KDM4C: variants seen among roughly 807,000 people sequenced by gnomAD.
The protein encoded by KDM4C is lysine demethylase 4C, also known as lysine-specific demethylase 4C.
Under a neutral mutation model 129.3 loss-of-function variants are expected in KDM4C, and 81 were observed. That is an observed-to-expected ratio of 0.63 (90% CI 0.52 to 0.75). The LOEUF (loss-of-function observed/expected upper bound fraction) is 0.75, where lower values mean the gene tolerates loss of function less well. Ranked by LOEUF, KDM4C falls within the 30% of genes least tolerant of loss-of-function variation. The pLI is 0.00. For missense variants in KDM4C, 1,457 were observed against 1,304.0 expected, an observed-to-expected ratio of 1.12 and a Z score of -1.81; for synonymous variants, 573 against 456.1, an observed-to-expected ratio of 1.26 and a Z score of -3.26.
intron 8 of KDM4C, among the ~76,000 whole-genome samples, chr9:6,942,792 A>T (rs193017889): frequency 1.3e-5 from 2 of 152,330 alleles, no homozygotes. Context: ...AGCAAAACTC[A>T]AGGAATATAG....
chr9:6,805,480 T>TTAA, intron 2 of KDM4C, 119 bp from the exon 3 acceptor site: 2 of 600,264 alleles, frequency 3.3e-6, no homozygotes, highest in Non-Finnish European at 5.3e-6. Context: ...TTTTTTTTTT[T>TTAA]ACACATTTGT....
At chr9:6,926,865 C>A (rs566881787) in intron 8 of KDM4C, among the ~76,000 whole-genome samples, 2 of 152,172 alleles carry the variant, frequency 1.3e-5, no homozygotes, top group African/African-American at 4.8e-5. Context: ...GACTGCATTA[C>A]TGTCCTTTAA....
intron 17 of KDM4C, among the ~76,000 whole-genome samples, chr9:7,088,864 A>AG (rs1835458896): frequency 6.6e-5 from 10 of 152,192 alleles, no homozygotes. Context: ...GAAAAAAAAA[A>AG]GCTGTTTCCA....
intron 18 of KDM4C, among the ~76,000 whole-genome samples, chr9:7,123,023 T>C (rs1442764952): frequency 6.6e-6 from 1 of 152,188 alleles, no homozygotes; most frequent in African/African-American, 2.4e-5. Context: ...GTCAATACAT[T>C]TTTCCTGCAA....
intron 8 of KDM4C, among the ~76,000 whole-genome samples, chr9:6,966,602 T>G (rs1454828462): frequency 6.6e-6 from 1 of 152,248 alleles, no homozygotes; most frequent in East Asian, 1.9e-4. Flanking sequence ...AGAATAAATC[T>G]GTATGTAGAT....
At chr9:6,913,174 G>T (rs1819638606) in intron 8 of KDM4C, among the ~76,000 whole-genome samples, 3 of 151,994 alleles carry the variant, frequency 2.0e-5, no homozygotes, top group Non-Finnish European at 2.9e-5. Context: ...CTGGGATAAG[G>T]AATTGTCCAT....
intron 1 of KDM4C, among the ~76,000 whole-genome samples, chr9:6,769,681 G>A (rs1282963171): frequency 6.6e-6 from 1 of 152,132 alleles, no homozygotes; most frequent in African/African-American, 2.4e-5. Flanking sequence ...TGTCAATGAG[G>A]ATAGATCTCA....
chr9:6,908,010 C>G (rs191603820), intron 8 of KDM4C, among the ~76,000 whole-genome samples: 38 of 152,166 alleles, frequency 2.5e-4, no homozygotes, highest in African/African-American at 9.2e-4. Flanking sequence ...CCTGCAAAGT[C>G]CTTTGTAAGG....
chr9:6,757,800 C>G (rs1379779065), upstream of KDM4C: 1 of 985,502 alleles, frequency 1.0e-6, no homozygotes, highest in East Asian at 1.1e-4. Context: ...TGGGATATGC[C>G]TGTGTCCAAA....
chr9:7,024,795 C>T (rs1825520408), intron 15 of KDM4C, among the ~76,000 whole-genome samples: 3 of 152,114 alleles, frequency 2.0e-5, no homozygotes, highest in Admixed American at 6.6e-5. Flanking sequence ...AATAAACATA[C>T]GTGTGCATGT....
intron 19 of KDM4C, among the ~76,000 whole-genome samples, chr9:7,163,217 C>T (rs1053014968): frequency 1.3e-5 from 2 of 152,104 alleles, no homozygotes; most frequent in African/African-American, 4.8e-5. Flanking sequence ...TAGTGCCTCT[C>T]AGTCAAAAGA....
intron 19 of KDM4C, among the ~76,000 whole-genome samples, chr9:7,135,706 C>G (rs1841130324): frequency 6.6e-6 from 1 of 152,126 alleles, no homozygotes; most frequent in African/African-American, 2.4e-5. Context: ...ATACAATACC[C>G]AAGGAAGTTG....
At chr9:6,972,546 C>T (rs750835327) in intron 8 of KDM4C, among the ~76,000 whole-genome samples, 34 of 152,200 alleles carry the variant, frequency 2.2e-4, no homozygotes, top group Admixed American at 1.2e-3. Flanking sequence ...CAGTTGTGGT[C>T]ATAGGTTATT....
intron 1 of KDM4C, among the ~76,000 whole-genome samples, chr9:6,763,409 A>G (rs538974664): frequency 5.3e-5 from 8 of 152,212 alleles, no homozygotes; most frequent in South Asian, 4.1e-4. Context: ...TGTTCTCTCA[A>G]TCCTGCACAC....
chr9:6,963,204 A>C (rs922353229), intron 8 of KDM4C, among the ~76,000 whole-genome samples: 6 of 152,248 alleles, frequency 3.9e-5, no homozygotes, highest in African/African-American at 1.4e-4. Context: ...AGTGATTAAA[A>C]AAGTGATTCT....
chr9:6,918,863 T>A (rs982644183), intron 8 of KDM4C, among the ~76,000 whole-genome samples: 1 of 152,154 alleles, frequency 6.6e-6, no homozygotes, highest in Non-Finnish European at 1.5e-5. Context: ...GCTCACTTTT[T>A]TTTTTTGAGA....
At chr9:6,743,664 A>C (rs1239778525) in intron 1 of KDM4C, among the ~76,000 whole-genome samples, 1 of 151,868 alleles carries the variant, frequency 6.6e-6, no homozygotes, top group East Asian at 1.9e-4. Flanking sequence ...TGTACAACCA[A>C]GCCTGGCTAT....
At chr9:6,873,821 C>G (rs994607659) in intron 5 of KDM4C, among the ~76,000 whole-genome samples, 1 of 152,028 alleles carries the variant, frequency 6.6e-6, no homozygotes, top group Non-Finnish European at 1.5e-5. Flanking sequence ...TCAAAATGCC[C>G]TCCTTACTAA....
rs1838470091 is a variant in KDM4C at position 6,849,650 on chromosome 9, C to T, written c.579C>T (p.Asp193=). 10 of 1,613,448 alleles carry T rather than the reference C, an allele frequency of 6.2e-6. No homozygotes were observed. The highest frequency in any genetic ancestry group is 1.7e-4 in the Middle Eastern group (1 of 6,058). Reference sequence around the variant, plus strand: ...CCACGTTTGCATGGCACACCGAAGACATGGACCTCTATAGCATTAATTATC... The same window carrying T: ...CCACGTTTGCATGGCACACCGAAGATATGGACCTCTATAGCATTAATTATC... ...WKTTFAWHTE[D]MDLYSINYLH... Residue 193 remains aspartate (D), a synonymous_variant, in exon 5 of 22, where the codon GAC becomes GAT. Coordinates refer to ENST00000381309, the MANE Select transcript of KDM4C (RefSeq NM_015061.6).
Sources: allele counts gnomAD v4.1 joint callset (sites outside exome capture counted in the v4.1 genomes callset), GRCh38; gene constraint gnomAD v4.1.1; transcripts MANE v1.5; gene names NCBI Gene and HGNC (gene_info 2026-07-23, HGNC 2026-07-21).